The following VGLL4 variants were observed in gnomAD, a reference collection of about 807,000 sequenced individuals.
VGLL4 encodes vestigial like family member 4, also known as transcription cofactor vestigial-like protein 4.
VGLL4 carries 7 observed loss-of-function variants against 21.0 expected under a neutral mutation model. The observed-to-expected ratio is 0.33, with a 90% CI of 0.19 to 0.63. The LOEUF is 0.63. Among genes scored for constraint, VGLL4 ranks in the 20% least tolerant of loss-of-function variants. The pLI, the probability that VGLL4 is intolerant of heterozygous loss-of-function variation, is 0.78. For missense variants in VGLL4, 394 were observed against 425.7 expected (o/e 0.93, Z 0.66); for synonymous variants, 222 against 173.2 (o/e 1.28, Z -2.21).
chr3:11,586,164 A>C (rs1052640014), intron 2 of VGLL4, among the ~76,000 whole-genome samples: 2 of 152,260 alleles, frequency 1.3e-5, no homozygotes, highest in Non-Finnish European at 2.9e-5. Context: ...GCATTACTGA[A>C]TATGAAAAGA....
intron 2 of VGLL4, among the ~76,000 whole-genome samples, chr3:11,685,591 T>A (rs939450233): frequency 1.3e-5 from 2 of 152,240 alleles, no homozygotes; most frequent in African/African-American, 4.8e-5. Flanking sequence ...TTCACATGTG[T>A]CTTTATGGTA....
In VGLL4 at chr3:11,650,806, A is replaced by G. The variant is rs369312283; in HGVS notation, c.65-48784T>C. 3.3e-5 allele frequency among the ~76,000 whole-genome samples: 5 copies of G among 152,254 alleles called. 1 individual carries two copies. The highest frequency in any genetic ancestry group is 1.2e-4 in the African/African-American group (5 of 41,558). On this transcript the variant is annotated intron_variant, in intron 2 of 5. Coordinates refer to the VGLL4 transcript ENST00000273038. ...AACAGACCTTACTAATAACAAGAAA[A>G]TAAGTTTGACTATTCCTTGAGCTAA...
chr3:11,604,272 T>TCCATCTTCCAAA lies in VGLL4; in HGVS notation c.83-2251_83-2250insTTTGGAAGATGG, dbSNP rs879805593. 11 of 623,572 alleles carry TCCATCTTCCAAA rather than the reference T, an allele frequency of 1.8e-5. No individual in the cohort carries two copies. The African/African-American group carries it at 1.8e-4, about 10-fold the overall frequency. The allele number at this position is 623,572 out of a possible 1,614,324, so 38.6% of individuals were successfully genotyped here. ...CGGAAGGAGCCCAGGAAGCACGGTT[T>TCCATCTTCCAAA]GCCTCATTTGATGGATGACGAAGCT... On this transcript the variant is annotated intron_variant, in intron 1 of 4. Coordinates refer to ENST00000430365, the MANE Select transcript of VGLL4 (RefSeq NM_001128219.3).
chr3:11,682,375 A>T (rs2076386630), intron 2 of VGLL4, among the ~76,000 whole-genome samples: 2 of 137,814 alleles, frequency 1.5e-5, no homozygotes, highest in African/African-American at 5.5e-5. Context: ...ACTGCACTCC[A>T]GCCCGGGTGA....
upstream of VGLL4, among the ~76,000 whole-genome samples, chr3:11,648,153 C>T (rs11920753): frequency 0.027 from 4,042 of 152,166 alleles, 160 homozygotes; most frequent in African/African-American, 0.09. Flanking sequence ...AGTTCTTTTT[C>T]TACGAATGAA....
chr3:11,559,419 C>T lies in VGLL4; in HGVS notation c.532G>A (p.Ala178Thr), dbSNP rs1247884660. Residue 178 changes from alanine to threonine, a missense_variant, in exon 4 of 5, where the codon GCC becomes ACC. Transcript: ENST00000430365. The stretch of plus-strand genomic sequence containing the variant: ...CAGTGCGAGAGGTTGCAGTTGCGGG[C>T]GCCAGCCGAGGCACAGGTGATCACG... Reference protein sequence around the residue: ...PSVITCASAGARNCNLSHCPI... With the variant: ...PSVITCASAGTRNCNLSHCPI... The T allele has an allele frequency of 5.8e-6, 9 of 1,563,740 alleles. No individual in the cohort carries two copies. Among genetic ancestry groups the T allele is most frequent in the East Asian group, 2.4e-5 (1 of 42,206 alleles).
chr3:11,575,413 C>A (rs2074008292), intron 2 of VGLL4, among the ~76,000 whole-genome samples: 1 of 152,210 alleles, frequency 6.6e-6, no homozygotes, highest in Non-Finnish European at 1.5e-5. Context: ...TCTTTTGACT[C>A]CCTCCAGCAG....
At chr3:11,589,184 G>C (rs1178687775) in intron 2 of VGLL4, among the ~76,000 whole-genome samples, 1 of 152,202 alleles carries the variant, frequency 6.6e-6, no homozygotes, top group African/African-American at 2.4e-5. Flanking sequence ...CCTGAATGCA[G>C]GGAGAGGATT....
Position 11,649,898 on chromosome 3 carries a change from T to C in VGLL4, c.65-47876A>G, listed in dbSNP as rs570115985. 1.3e-3 allele frequency among the ~76,000 whole-genome samples: 25 copies of C among 18,788 alleles called. No individual in the cohort carries two copies. The South Asian group carries it at 0.026, about 20-fold the overall frequency. The allele number at this position is 18,788 out of a possible 152,430, so 12.3% of individuals were successfully genotyped here. A position where few individuals can be genotyped will look rare whatever the true frequency, so the allele number is the denominator to read the frequency against. On this transcript the variant is annotated intron_variant, in intron 2 of 5. Transcript: ENST00000273038. ...CCCCACAGCACACAAGTGCTCTATT[T>C]GGTTTGGTTTGGTTTGGTTTGGTTT...
intron 2 of VGLL4, among the ~76,000 whole-genome samples, chr3:11,661,766 C>A (rs1031996999): frequency 2.0e-5 from 3 of 152,120 alleles, no homozygotes; most frequent in African/African-American, 7.2e-5. Flanking sequence ...GCCACTGCGC[C>A]CAGCCTGAAC....
At chr3:11,628,922 A>C (rs1237778028) in intron 1 of VGLL4, among the ~76,000 whole-genome samples, 3 of 152,272 alleles carry the variant, frequency 2.0e-5, no homozygotes, top group African/African-American at 7.2e-5. Flanking sequence ...TTTTGGGGAA[A>C]GCATGCTGAT....
chr3:11,670,364 A>C (rs2076188424), intron 2 of VGLL4, among the ~76,000 whole-genome samples: 1 of 152,188 alleles, frequency 6.6e-6, no homozygotes, highest in African/African-American at 2.4e-5. Context: ...TCAGTTTCTT[A>C]AAAGGAAAGC....
chr3:11,696,677 C>G (rs1407373850), intron 2 of VGLL4, among the ~76,000 whole-genome samples: 1 of 152,172 alleles, frequency 6.6e-6, no homozygotes, highest in East Asian at 1.9e-4. Flanking sequence ...AGTGCAAAGA[C>G]CAGAAAAGAC....
upstream of VGLL4, among the ~76,000 whole-genome samples, chr3:11,645,635 T>C (rs1040538637): frequency 2.0e-5 from 3 of 148,670 alleles, no homozygotes; most frequent in South Asian, 2.1e-4. Context: ...AATAGTTGCA[T>C]TGGGTTTATT....
intron 2 of VGLL4, among the ~76,000 whole-genome samples, chr3:11,658,712 C>T (rs2075991981): frequency 6.6e-6 from 1 of 150,942 alleles, no homozygotes. Flanking sequence ...TAAATTCTCA[C>T]TCATAAATGC....
intron 1 of VGLL4, among the ~76,000 whole-genome samples, chr3:11,627,736 TTTACA>T (rs1220619885): frequency 6.6e-6 from 1 of 152,234 alleles, no homozygotes; most frequent in Admixed American, 6.5e-5. Flanking sequence ...ATCAGTCACA[TTTACA>T]TTAAAGACAA....
intron 2 of VGLL4, among the ~76,000 whole-genome samples, chr3:11,694,515 G>A (rs1336872974): frequency 6.6e-6 from 1 of 152,056 alleles, no homozygotes. Flanking sequence ...CCAGCTACTG[G>A]GGAGGCTGAG....
At position 11,565,930 on chromosome 3, in the gene VGLL4, C is replaced by T. The variant is rs1398884197; in HGVS notation, c.273-911G>A. Among the ~76,000 whole-genome samples, 1 of 152,196 alleles carries T rather than the reference C, an allele frequency of 6.6e-6. No homozygotes were observed. The highest frequency in any genetic ancestry group is 1.5e-5 in the Non-Finnish European group (1 of 68,030). On this transcript the variant is annotated intron_variant, in intron 2 of 4. Coordinates refer to ENST00000430365, the MANE Select transcript of VGLL4 (RefSeq NM_001128219.3). This position sits in a 1 kb window ranked among gnomAD's most constrained non-coding sequence, Gnocchi z 4.1. The stretch of plus-strand genomic sequence containing the variant: ...TGCCTTGGGTCTTGCCCCTTCAATC[C>T]ACCATATTATCCGCTGACAGAGTAA...
At chr3:11,676,957 T>C (rs778047672) in intron 2 of VGLL4, among the ~76,000 whole-genome samples, 73 of 152,262 alleles carry the variant, frequency 4.8e-4, no homozygotes, top group African/African-American at 1.6e-3. Flanking sequence ...ATTTAAAAAA[T>C]AAAAGTCATG....
Sources: gnomAD v4.1 joint callset for allele counts (sites outside exome capture counted in the v4.1 genomes callset) on GRCh38, gnomAD v4.1.1 for gene constraint, Gnocchi (gnomAD v3.1) non-coding constraint, MANE v1.5 for transcripts, NCBI Gene and HGNC (gene_info 2026-07-23, HGNC 2026-07-21) for gene names.